ARHGAP26: variants seen among roughly 807,000 people sequenced by gnomAD.
ARHGAP26 encodes rho GTPase-activating protein 26.
In ARHGAP26, 38 loss-of-function variants were observed where a neutral mutation model predicts 104.8. That is an observed-to-expected ratio of 0.36 (90% CI 0.28 to 0.48). ARHGAP26 has a LOEUF of 0.48. Among genes scored for constraint, ARHGAP26 ranks in the 20% least tolerant of loss-of-function variants. ARHGAP26 has a pLI of 0.99. For missense variants in ARHGAP26, 704 were observed against 947.9 expected (o/e 0.74, Z 3.38); for synonymous variants, 341 against 340.0 (o/e 1.00, Z -0.03).
intron 1 of ARHGAP26, among the ~76,000 whole-genome samples, chr5:142,798,298 C>T (rs1761392364): frequency 6.6e-6 from 1 of 152,222 alleles, no homozygotes; most frequent in South Asian, 2.1e-4. Flanking sequence ...GCTCATGTGC[C>T]TCCTCTATCA....
At chr5:143,032,250 G>A (rs993611940) in intron 12 of ARHGAP26, among the ~76,000 whole-genome samples, 1 of 152,118 alleles carries the variant, frequency 6.6e-6, no homozygotes, top group African/African-American at 2.4e-5. Flanking sequence ...GGGCTGCCTC[G>A]TGTGTACACT....
intron 12 of ARHGAP26, among the ~76,000 whole-genome samples, chr5:143,016,918 A>G (rs776650810): frequency 2.0e-5 from 3 of 152,044 alleles, no homozygotes; most frequent in Non-Finnish European, 2.9e-5. Context: ...TCTTGATTGC[A>G]GTAATTTACA....
At chr5:143,005,932 C>G (rs545070343) in intron 11 of ARHGAP26, among the ~76,000 whole-genome samples, 8 of 152,198 alleles carry the variant, frequency 5.3e-5, no homozygotes, top group African/African-American at 1.9e-4. Flanking sequence ...GGAAGGGACT[C>G]GGCACCAACA....
intron 1 of ARHGAP26, among the ~76,000 whole-genome samples, chr5:142,858,092 T>TGAGA (rs1561963187): frequency 1.0e-4 from 14 of 137,506 alleles, no homozygotes; most frequent in African/African-American, 2.6e-4. Flanking sequence ...TGTGTGTGTG[T>TGAGA]GTGAGAGAGA....
intron 11 of ARHGAP26, among the ~76,000 whole-genome samples, chr5:142,961,303 C>T (rs576676834): frequency 6.6e-6 from 1 of 151,990 alleles, no homozygotes; most frequent in African/African-American, 2.4e-5. Context: ...CTAGCCTGGG[C>T]AACGTGGTGA....
At chr5:143,069,747 A>G (rs992236545) in intron 17 of ARHGAP26, among the ~76,000 whole-genome samples, 1 of 152,222 alleles carries the variant, frequency 6.6e-6, no homozygotes, top group African/African-American at 2.4e-5. Flanking sequence ...TAGAAGTTTC[A>G]GGTCTTGTTA....
intron 1 of ARHGAP26, among the ~76,000 whole-genome samples, chr5:142,777,037 T>A (rs943029171): frequency 6.6e-6 from 1 of 152,216 alleles, no homozygotes; most frequent in Non-Finnish European, 1.5e-5. Context: ...CACCTTTTCA[T>A]GTGTTTGTTG....
chr5:142,867,278 A>G (rs1212825700), intron 1 of ARHGAP26, among the ~76,000 whole-genome samples: 3 of 147,062 alleles, frequency 2.0e-5, no homozygotes, highest in East Asian at 2.0e-4. Flanking sequence ...TCATTCTAAG[A>G]TTTGCACAGG....
intron 17 of ARHGAP26, among the ~76,000 whole-genome samples, chr5:143,101,370 T>C (rs953167911): frequency 6.6e-6 from 1 of 152,226 alleles, no homozygotes; most frequent in Non-Finnish European, 1.5e-5. Context: ...TGTAGGGTTG[T>C]GGCCCCATAC....
chr5:143,049,992 T>C (rs246652), intron 14 of ARHGAP26, among the ~76,000 whole-genome samples: 151,648 of 152,318 alleles, frequency 1, 75,490 homozygotes, highest in East Asian at 1. Context: ...ATTATAATCT[T>C]ATGACAGCTC....
At chr5:143,030,843 T>C (rs1367126149) in intron 12 of ARHGAP26, among the ~76,000 whole-genome samples, 1 of 152,244 alleles carries the variant, frequency 6.6e-6, no homozygotes. Context: ...TAGTAGCCAG[T>C]GAAGTAAATA....
intron 9 of ARHGAP26, among the ~76,000 whole-genome samples, chr5:142,908,039 T>A (rs1363791760): frequency 1.3e-5 from 2 of 152,176 alleles, no homozygotes; most frequent in African/African-American, 4.8e-5. Context: ...TTAAGAAATA[T>A]TTTTGTATTT....
At chr5:143,026,237 A>G (rs1381814436) in intron 12 of ARHGAP26, among the ~76,000 whole-genome samples, 1 of 152,212 alleles carries the variant, frequency 6.6e-6, no homozygotes, top group Admixed American at 6.5e-5. Flanking sequence ...CTTTCAGGAC[A>G]TATTTATTGA....
intron 1 of ARHGAP26, among the ~76,000 whole-genome samples, chr5:142,789,678 C>T (rs775475868): frequency 3.9e-5 from 6 of 152,126 alleles, no homozygotes; most frequent in East Asian, 1.9e-4. Context: ...GAATTATTTC[C>T]GTTCTCAGCA....
At position 143,156,538 on chromosome 5, in the gene ARHGAP26, A is replaced by C. The variant is rs1800482075; in HGVS notation, c.1988+9157A>C. ...ACCTATAGGATCAGCATATTCTGGA[A>C]GGAGGGCCCTGCAATCTGTGTTTTA... On this transcript the variant is annotated intron_variant, in intron 20 of 22. Coordinates refer to ENST00000645722, the MANE Select transcript of ARHGAP26 (RefSeq NM_001135608.3). Among the ~76,000 whole-genome samples the C allele has an allele frequency of 3.3e-5, 5 of 152,220 alleles. No homozygotes were observed. The South Asian group carries it at 1.0e-3, about 32-fold the overall frequency.
chr5:142,975,841 A>G (rs780556929), intron 11 of ARHGAP26, among the ~76,000 whole-genome samples: 7 of 152,206 alleles, frequency 4.6e-5, no homozygotes, highest in Non-Finnish European at 7.3e-5. Context: ...GTTGAGGTGT[A>G]CCATACATGT....
At chr5:143,078,199 G>A (rs1402281207) in intron 17 of ARHGAP26, among the ~76,000 whole-genome samples, 2 of 152,172 alleles carry the variant, frequency 1.3e-5, no homozygotes, top group Admixed American at 6.5e-5. Flanking sequence ...TTCATTGCAG[G>A]GAAAGTAAGT....
At chr5:142,885,493 G>T (rs1228768866) in intron 5 of ARHGAP26, 94 bp downstream of exon 5, 12 of 1,119,410 alleles carry the variant, frequency 1.1e-5, no homozygotes, top group Non-Finnish European at 1.5e-5. Context: ...AAATCTTAGG[G>T]TTAGAAGGGA....
chr5:142,822,995 T>C (rs1766491463), intron 1 of ARHGAP26, among the ~76,000 whole-genome samples: 1 of 152,262 alleles, frequency 6.6e-6, no homozygotes, highest in South Asian at 2.1e-4. Flanking sequence ...ATGTTGATAA[T>C]AGCAGCTATC....
Sources: gnomAD v4.1 joint callset for allele counts (sites outside exome capture counted in the v4.1 genomes callset) on GRCh38, gnomAD v4.1.1 for gene constraint, MANE v1.5 for transcripts, NCBI Gene and HGNC (gene_info 2026-07-23, HGNC 2026-07-21) for gene names.